Variants in USP15 observed in about 807,000 individuals in gnomAD.
The protein encoded by USP15 is ubiquitin carboxyl-terminal hydrolase 15.
USP15 carries 18 observed loss-of-function variants against 127.1 expected under a neutral mutation model. The observed-to-expected ratio is 0.14, with a 90% CI of 0.10 to 0.21. USP15 has a LOEUF of 0.21. USP15 is among the 10% of genes least tolerant of loss of function. The pLI is 1.00. For missense variants in USP15, 805 were observed against 1,159.9 expected (o/e 0.69, Z 4.44); for synonymous variants, 364 against 393.7 (o/e 0.92, Z 0.89).
intron 1 of USP15, among the ~76,000 whole-genome samples, chr12:62,278,068 T>G (rs2063542420): frequency 6.6e-6 from 1 of 152,176 alleles, no homozygotes; most frequent in African/African-American, 2.4e-5. Context: ...TCTATAAGCT[T>G]TTTTCTATTT....
At chr12:62,289,391 G>A (rs552487134) in intron 1 of USP15, among the ~76,000 whole-genome samples, 16 of 152,040 alleles carry the variant, frequency 1.1e-4, no homozygotes, top group Non-Finnish European at 2.1e-4. Flanking sequence ...GTTTGTGCAT[G>A]TAGTGATGCT....
Position 62,391,138 on chromosome 12 carries a change from C to T in USP15, c.1961-19C>T, listed in dbSNP as rs927668783. 5 of 1,598,850 alleles carry T rather than the reference C, an allele frequency of 3.1e-6. No homozygotes were observed. In the African/African-American group the frequency reaches 4.1e-5, roughly 13 times the overall value. On this transcript the variant is annotated intron_variant, in intron 15 of 21. Transcript: ENST00000280377. The stretch of plus-strand genomic sequence containing the variant: ...TATAGCATTGGGTTTATTTAAAGCT[C>T]TCTAATATCTAAAATTAGGTGAAAT...
intron 1 of USP15, among the ~76,000 whole-genome samples, chr12:62,283,896 C>G (rs571371070): frequency 6.6e-6 from 1 of 152,108 alleles, no homozygotes; most frequent in Non-Finnish European, 1.5e-5. Flanking sequence ...AAGCCAAGAT[C>G]GTGCCACCAC....
At position 62,389,650 on chromosome 12, in the gene USP15, G is replaced by A. The variant is rs367863159; in HGVS notation, c.1603G>A (p.Ala535Thr). 48 of 1,612,308 alleles carry A rather than the reference G, an allele frequency of 3.0e-5. No individual in the cohort carries two copies. Among genetic ancestry groups the A allele is most frequent in the Non-Finnish European group, 4.0e-5 (47 of 1,179,048 alleles). The change falls in exon 13 of 22, where the codon GCT (alanine) becomes ACT (threonine). Residue 535 changes from alanine to threonine, a missense_variant. Transcript: ENST00000280377. ...CAATCATAGATTTCACAGAATATTC[G>A]CTATGGATGAAAACCTTAGTAGTAT... ...IYNHRFHRIF[A>T]MDENLSSIME...
chr12:62,310,322 A>C (rs1184978565), intron 3 of USP15, among the ~76,000 whole-genome samples: 3 of 151,734 alleles, frequency 2.0e-5, no homozygotes, highest in East Asian at 3.9e-4. Flanking sequence ...CAAACATTGA[A>C]TTTATTCCAT....
At chr12:62,360,797 A>G (rs901088113) in intron 8 of USP15, among the ~76,000 whole-genome samples, 1 of 152,004 alleles carries the variant, frequency 6.6e-6, no homozygotes, top group Non-Finnish European at 1.5e-5. Context: ...TAAAACTACT[A>G]CTTTCTAGGT....
At chr12:62,383,688 G>T in intron 9 of USP15, 152 bp from the exon 10 acceptor site, 1 of 955,670 alleles carries the variant, frequency 1.0e-6, no homozygotes, top group South Asian at 2.1e-5. Context: ...ATCTACAAAT[G>T]ACCATGAATT....
At chr12:62,296,780 C>T (rs1217168703) in intron 2 of USP15, among the ~76,000 whole-genome samples, 1 of 152,196 alleles carries the variant, frequency 6.6e-6, no homozygotes, top group African/African-American at 2.4e-5. Context: ...AGCCCCTCCT[C>T]CAAGGAGTCT....
At chr12:62,386,026 A>G (rs2067137801) in intron 11 of USP15, among the ~76,000 whole-genome samples, 2 of 152,084 alleles carry the variant, frequency 1.3e-5, no homozygotes, top group Admixed American at 6.6e-5. Flanking sequence ...GTGCTCTTCC[A>G]TAAATTGGGC....
intron 8 of USP15, among the ~76,000 whole-genome samples, chr12:62,367,760 C>A (rs1275222220): frequency 6.6e-6 from 1 of 152,046 alleles, no homozygotes; most frequent in African/African-American, 2.4e-5. Context: ...TAAAAACTAG[C>A]TCCTAGATTT....
intron 1 of USP15, among the ~76,000 whole-genome samples, chr12:62,267,538 A>G (rs1295816561): frequency 6.6e-6 from 1 of 152,130 alleles, no homozygotes; most frequent in Middle Eastern, 3.2e-3. Flanking sequence ...TCCAAAAAGA[A>G]AAGAGTAATG....
chr12:62,361,488 T>C (rs571708298), intron 8 of USP15, among the ~76,000 whole-genome samples: 1 of 152,176 alleles, frequency 6.6e-6, no homozygotes, highest in Admixed American at 6.5e-5. Flanking sequence ...AAAGTGGTTT[T>C]ACTATCCTGG....
At position 62,294,165 on chromosome 12, in the gene USP15, CT is replaced by C. The variant is rs755752720; in HGVS notation, c.90-10del. On this transcript the variant is annotated splice_polypyrimidine_tract_variant and intron_variant, in intron 1 of 21. Coordinates refer to ENST00000280377, the MANE Select transcript of USP15 (RefSeq NM_001252078.2). ...TTCAGGTATTTTCCTTAACCAATTT[CT>C]TTTATTTTTTAGGTACCTAGTCGAT... The C allele has an allele frequency of 1.9e-6, 3 of 1,608,460 alleles. No homozygotes were observed. The highest frequency in any genetic ancestry group is 2.7e-5 in the African/African-American group (2 of 74,420).
intron 21 of USP15, among the ~76,000 whole-genome samples, chr12:62,402,034 A>G (rs1418481428): frequency 6.6e-6 from 1 of 151,556 alleles, no homozygotes; most frequent in Non-Finnish European, 1.5e-5. Context: ...TTTTGTTTAT[A>G]TTTAAACTCC....
chr12:62,354,067 CATT>C (rs2066044497), intron 7 of USP15, among the ~76,000 whole-genome samples: 1 of 151,184 alleles, frequency 6.6e-6, no homozygotes, highest in Admixed American at 6.6e-5. Flanking sequence ...AGTAGGCCAA[CATT>C]GTATGTGTAA....
intron 1 of USP15, among the ~76,000 whole-genome samples, chr12:62,282,756 G>C (rs755499127): frequency 1.3e-5 from 2 of 152,130 alleles, no homozygotes; most frequent in Admixed American, 6.6e-5. Flanking sequence ...AGAGTAGTGA[G>C]AGTACCACAG....
intron 8 of USP15, among the ~76,000 whole-genome samples, chr12:62,376,071 C>G (rs2066819707): frequency 6.6e-6 from 1 of 151,972 alleles, no homozygotes; most frequent in Non-Finnish European, 1.5e-5. Context: ...AACTTTCCAA[C>G]CAGTCATTAT....
In USP15 at chr12:62,358,711, C is replaced by T. The variant is rs372424621; in HGVS notation, c.915+3236C>T. Among the ~76,000 whole-genome samples the T allele has an allele frequency of 6.6e-5, 10 of 152,136 alleles. No individual in the cohort carries two copies. The South Asian group carries it at 1.5e-3, about 22-fold the overall frequency. ...AGCCTGGGTGACAAGAGCAAAACTC[C>T]ATCTCAAAAATAAATAAATAAATGA... On this transcript the variant is annotated intron_variant, in intron 8 of 21. Coordinates refer to ENST00000280377, the MANE Select transcript of USP15 (RefSeq NM_001252078.2).
At chr12:62,290,915 T>C (rs1393519778) in intron 1 of USP15, among the ~76,000 whole-genome samples, 1 of 152,188 alleles carries the variant, frequency 6.6e-6, no homozygotes, top group Non-Finnish European at 1.5e-5. Flanking sequence ...GTTTTTTTTT[T>C]CTTTAAGCCT....
Sources: allele counts gnomAD v4.1 joint callset (sites outside exome capture counted in the v4.1 genomes callset), GRCh38; gene constraint gnomAD v4.1.1; transcripts MANE v1.5; gene names NCBI Gene and HGNC (gene_info 2026-07-23, HGNC 2026-07-21).